Variants in PDE3A observed in about 807,000 individuals in gnomAD.
PDE3A encodes phosphodiesterase 3A.
In PDE3A, 43 loss-of-function variants were observed where a neutral mutation model predicts 98.3. The observed-to-expected ratio is 0.44, with a 90% CI of 0.34 to 0.56. The LOEUF (loss-of-function observed/expected upper bound fraction) is 0.56, where lower values mean the gene tolerates loss of function less well. Ranked by LOEUF, PDE3A falls within the 20% of genes least tolerant of loss-of-function variation. The probability of loss-of-function intolerance (pLI) is 0.01; values close to 1 mark genes in which losing one functional copy is unlikely to be tolerated. For missense variants in PDE3A, 1,427 were observed against 1,440.7 expected (o/e 0.99, Z 0.15); for synonymous variants, 663 against 567.9 (o/e 1.17, Z -2.38).
In PDE3A at chr12:20,369,231, G is replaced by T. The variant is rs1943406837; in HGVS notation, c.-54G>T. On this transcript the variant is annotated 5_prime_UTR_variant, in exon 1 of 16. Coordinates refer to ENST00000359062, the MANE Select transcript of PDE3A (RefSeq NM_000921.5). ...TGTGTGCGCGCGCGCGCGTGGGTCGGGGCGGGGGCGTCGGGGGGCCACTGG... is the reference window on the plus strand; with the variant it reads ...TGTGTGCGCGCGCGCGCGTGGGTCGTGGCGGGGGCGTCGGGGGGCCACTGG... 3 of 1,382,870 alleles carry T rather than the reference G, an allele frequency of 2.2e-6. No homozygotes were observed. The highest frequency in any genetic ancestry group is 1.9e-6 in the Non-Finnish European group (2 of 1,033,440). 85.7% of individuals were successfully genotyped at this position (1,382,870 alleles called of 1,614,324 possible). A position where few individuals can be genotyped will look rare whatever the true frequency, so the allele number is the denominator to read the frequency against.
At chr12:20,667,611 T>A (rs752506718) in intron 15 of PDE3A, among the ~76,000 whole-genome samples, 1 of 152,182 alleles carries the variant, frequency 6.6e-6, no homozygotes, top group African/African-American at 2.4e-5. Context: ...CTGGAGTCTA[T>A]GTTTTATTGG....
intron 1 of PDE3A, among the ~76,000 whole-genome samples, chr12:20,497,819 TATGG>T (rs1945947272): frequency 6.6e-6 from 1 of 152,152 alleles, no homozygotes; most frequent in Non-Finnish European, 1.5e-5. Context: ...AGGTAAGGTT[TATGG>T]ATTACTCTAT....
At chr12:20,431,009 G>A (rs969804661) in intron 1 of PDE3A, among the ~76,000 whole-genome samples, 3 of 152,060 alleles carry the variant, frequency 2.0e-5, no homozygotes, top group African/African-American at 7.2e-5. Context: ...CTGGTTTTTT[G>A]GAAGATTTTT....
At chr12:20,600,192 A>G (rs997764986) in intron 2 of PDE3A, among the ~76,000 whole-genome samples, 1 of 152,200 alleles carries the variant, frequency 6.6e-6, no homozygotes, top group African/African-American at 2.4e-5. Flanking sequence ...TATGTCTTCA[A>G]TGCCCAAATG....
At chr12:20,621,480 C>T (rs1309848300) in intron 5 of PDE3A, 69 bp downstream of exon 5, 10 of 823,830 alleles carry the variant, frequency 1.2e-5, no homozygotes, top group Non-Finnish European at 1.0e-5. Context: ...AGACCTTAAG[C>T]GTTGAAATAT....
chr12:20,411,296 C>T (rs897354186), intron 1 of PDE3A, among the ~76,000 whole-genome samples: 20 of 152,156 alleles, frequency 1.3e-4, no homozygotes, highest in Admixed American at 3.9e-4. Flanking sequence ...AGAAATTACT[C>T]CCCATTTCTT....
chr12:20,642,834 G>GA (rs200947774), intron 10 of PDE3A, among the ~76,000 whole-genome samples: 220 of 151,134 alleles, frequency 1.5e-3, no homozygotes, highest in African/African-American at 2.9e-3. Context: ...TATTCCAAAA[G>GA]AAAAAAAAAT....
At position 20,386,144 on chromosome 12, in the gene PDE3A, T is replaced by TATATATATAA. The variant is rs1565532629; in HGVS notation, c.960+15918_960+15927dup. 4.3e-3 allele frequency among the ~76,000 whole-genome samples: 113 copies of TATATATATAA among 26,506 alleles called. 7 individuals are homozygous for TATATATATAA. Among genetic ancestry groups the TATATATATAA allele is most frequent in the African/African-American group, 0.015 (111 of 7,256 alleles). 17.4% of individuals were successfully genotyped at this position (26,506 alleles called of 152,430 possible). The stretch of plus-strand genomic sequence containing the variant: ...ATAAATATATATAAATATATATAAA[T>TATATATATAA]ATATATATAAATATATATAAATATA... On this transcript the variant is annotated intron_variant, in intron 1 of 15. Coordinates refer to ENST00000359062, the MANE Select transcript of PDE3A (RefSeq NM_000921.5).
chr12:20,406,801 G>T (rs1459068101), intron 1 of PDE3A, among the ~76,000 whole-genome samples: 1 of 151,950 alleles, frequency 6.6e-6, no homozygotes, highest in Non-Finnish European at 1.5e-5. Flanking sequence ...GTCTTTTTCT[G>T]TGTTTTATTA....
At chr12:20,508,626 T>G (rs1251615849) in intron 1 of PDE3A, among the ~76,000 whole-genome samples, 2 of 152,004 alleles carry the variant, frequency 1.3e-5, no homozygotes, top group African/African-American at 4.8e-5. Context: ...AAGTCGGCAG[T>G]TTGAAATTTG....
chr12:20,392,557 A>C (rs1246388447), intron 1 of PDE3A, among the ~76,000 whole-genome samples: 1 of 151,234 alleles, frequency 6.6e-6, no homozygotes, highest in African/African-American at 2.4e-5. Flanking sequence ...ATAAATAAAT[A>C]AAATCTAGCT....
rs559396752 is a variant in PDE3A at position 20,671,421 on chromosome 12, C to G, written c.3185-8609C>G. On this transcript the variant is annotated intron_variant, in intron 15 of 15. Transcript: ENST00000359062. The stretch of plus-strand genomic sequence containing the variant: ...AAAAAGATAATTTTAGACCAATATC[C>G]TTGATGAACATTGATGCAAAAATCC... Among the ~76,000 whole-genome samples the G allele has an allele frequency of 6.7e-3, 1,021 of 152,202 alleles. 18 individuals are homozygous for G. Among genetic ancestry groups the G allele is most frequent in the African/African-American group, 0.024 (997 of 41,522 alleles).
At chr12:20,467,074 G>A (rs1945351533) in intron 1 of PDE3A, among the ~76,000 whole-genome samples, 1 of 151,976 alleles carries the variant, frequency 6.6e-6, no homozygotes. Flanking sequence ...CTTCTTTCCT[G>A]ATTGTTGAAT....
At chr12:20,499,434 A>G (rs1945981776) in intron 1 of PDE3A, among the ~76,000 whole-genome samples, 1 of 152,160 alleles carries the variant, frequency 6.6e-6, no homozygotes, top group Admixed American at 6.6e-5. Context: ...TGTTCCTTGT[A>G]TCTGTTTTAG....
intron 1 of PDE3A, among the ~76,000 whole-genome samples, chr12:20,393,320 A>T (rs1185303228): frequency 6.6e-6 from 1 of 151,944 alleles, no homozygotes; most frequent in Non-Finnish European, 1.5e-5. Context: ...CAGAGAGCCA[A>T]GAGAAAAAGT....
chr12:20,613,028 T>G (rs1943907790), intron 2 of PDE3A, among the ~76,000 whole-genome samples: 1 of 152,120 alleles, frequency 6.6e-6, no homozygotes, highest in African/African-American at 2.4e-5. Flanking sequence ...AGTGTCACAT[T>G]AAAATATTAC....
chr12:20,396,495 A>G (rs1162921417), intron 1 of PDE3A, among the ~76,000 whole-genome samples: 1 of 152,184 alleles, frequency 6.6e-6, no homozygotes, highest in Non-Finnish European at 1.5e-5. Flanking sequence ...CTAATAATTT[A>G]TTAAAAACTT....
intron 1 of PDE3A, among the ~76,000 whole-genome samples, chr12:20,417,825 G>C (rs1010558089): frequency 6.6e-6 from 1 of 152,174 alleles, no homozygotes; most frequent in African/African-American, 2.4e-5. Flanking sequence ...GATAATCTCT[G>C]AGTTTTGTTA....
Position 20,646,610 on chromosome 12 carries a change from A to G in PDE3A, c.2365+7A>G. ...GGTTCAACCAGTGATTCAGGTATGTACGAAGTGAATCTGCACTGCCTTATG... is the reference window on the plus strand; with the variant it reads ...GGTTCAACCAGTGATTCAGGTATGTGCGAAGTGAATCTGCACTGCCTTATG... On this transcript the variant is annotated splice_region_variant and intron_variant, in intron 11 of 15. Transcript: ENST00000359062. The G allele has an allele frequency of 7.9e-6, 12 of 1,516,750 alleles. No homozygotes were observed. The highest frequency in any genetic ancestry group is 1.1e-5 in the Non-Finnish European group (12 of 1,091,342). 94.0% of individuals were successfully genotyped at this position (1,516,750 alleles called of 1,614,324 possible). A position where few individuals can be genotyped will look rare whatever the true frequency, so the allele number is the denominator to read the frequency against.
Sources: gnomAD v4.1 joint callset for allele counts (sites outside exome capture counted in the v4.1 genomes callset) on GRCh38, gnomAD v4.1.1 for gene constraint, MANE v1.5 for transcripts, NCBI Gene and HGNC (gene_info 2026-07-23, HGNC 2026-07-21) for gene names.